Variants in TAFA2 observed in about 807,000 individuals in gnomAD.
The protein encoded by TAFA2 is TAFA chemokine like family member 2.
A neutral mutation model predicts 18.8 loss-of-function variants in TAFA2; 7 were observed. That is an observed-to-expected ratio of 0.37 (90% CI 0.21 to 0.70). TAFA2 has a LOEUF of 0.70. TAFA2 is among the 30% of genes least tolerant of loss of function. The pLI, the probability that TAFA2 is intolerant of heterozygous loss-of-function variation, is 0.53. For synonymous variants in TAFA2, 60 were observed against 54.2 expected (o/e 1.11, Z -0.47); for missense variants, 122 against 158.1 (o/e 0.77, Z 1.23).
chr12:62,060,473 C>T (rs1446128183), intron 1 of TAFA2, among the ~76,000 whole-genome samples: 5 of 152,178 alleles, frequency 3.3e-5, no homozygotes, highest in Non-Finnish European at 7.3e-5. Context: ...AAGCGTAGCA[C>T]ATACAATAAT....
intron 1 of TAFA2, among the ~76,000 whole-genome samples, chr12:62,181,165 C>T (rs2062549456): frequency 6.6e-6 from 1 of 152,130 alleles, no homozygotes; most frequent in Non-Finnish European, 1.5e-5. Flanking sequence ...GAGTCTCTCT[C>T]TCACATACAC....
At chr12:61,827,536 A>C (rs1872573056) in intron 2 of TAFA2, among the ~76,000 whole-genome samples, 2 of 152,006 alleles carry the variant, frequency 1.3e-5, no homozygotes, top group Non-Finnish European at 2.9e-5. Context: ...TTTTTGTAAC[A>C]TTTAGTCTGG....
chr12:61,867,824 T>G (rs1874425745), intron 1 of TAFA2, among the ~76,000 whole-genome samples: 1 of 152,188 alleles, frequency 6.6e-6, no homozygotes, highest in Non-Finnish European at 1.5e-5. Flanking sequence ...CCAAGTCAAA[T>G]GGACAGTGTA....
intron 1 of TAFA2, among the ~76,000 whole-genome samples, chr12:62,202,833 T>A (rs2062677339): frequency 7.1e-6 from 1 of 141,082 alleles, no homozygotes; most frequent in African/African-American, 2.6e-5. Context: ...TTTTTTTTTT[T>A]TTTTTTTTTT....
At chr12:61,758,400 G>T (rs1308544938) in intron 2 of TAFA2, among the ~76,000 whole-genome samples, 1 of 151,870 alleles carries the variant, frequency 6.6e-6, no homozygotes, top group East Asian at 2.0e-4. Flanking sequence ...AACAAAGAAT[G>T]TTCTTAAGAA....
chr12:61,851,714 G>A (rs1873658898), intron 2 of TAFA2, among the ~76,000 whole-genome samples: 1 of 133,402 alleles, frequency 7.5e-6, no homozygotes, highest in Non-Finnish European at 1.5e-5. Context: ...GGCGGTGCTT[G>A]CAGTGAACCG....
At chr12:61,718,704 G>A (rs139004364) in intron 4 of TAFA2, among the ~76,000 whole-genome samples, 3 of 152,150 alleles carry the variant, frequency 2.0e-5, no homozygotes, top group East Asian at 1.9e-4. Context: ...CAATTCAAAG[G>A]TACTTTACCT....
At chr12:62,043,258 A>G (rs1881811975) in intron 1 of TAFA2, among the ~76,000 whole-genome samples, 1 of 152,206 alleles carries the variant, frequency 6.6e-6, no homozygotes, top group Non-Finnish European at 1.5e-5. Flanking sequence ...TGTGGCACAT[A>G]TACACCATGG....
At chr12:61,735,228 A>G (rs970782292) in intron 4 of TAFA2, among the ~76,000 whole-genome samples, 13 of 151,992 alleles carry the variant, frequency 8.6e-5, no homozygotes, top group African/African-American at 3.1e-4. Context: ...ATTCTTTGGT[A>G]TTGATATTTG....
At position 62,179,001 on chromosome 12, in the gene TAFA2, C is replaced by T. The variant is rs73315696; in HGVS notation, c.-2+12258G>A. On this transcript the variant is annotated intron_variant, in intron 1 of 4. Transcript: ENST00000416284. The stretch of plus-strand genomic sequence containing the variant: ...AGTTTCCTTACCTGAAATTGAGGAT[C>T]GCACTCATTTCTAACTCACAGCCAT... 8.9e-3 allele frequency among the ~76,000 whole-genome samples: 1,361 copies of T among 152,228 alleles called. 19 individuals carry two copies. Among genetic ancestry groups the T allele is most frequent in the African/African-American group, 0.031 (1,299 of 41,520 alleles).
chr12:62,018,405 C>T (rs1490620959), intron 1 of TAFA2, among the ~76,000 whole-genome samples: 1 of 152,034 alleles, frequency 6.6e-6, no homozygotes, highest in Non-Finnish European at 1.5e-5. Flanking sequence ...CAAGCAAAGG[C>T]TTAAAGACAG....
At chr12:61,749,516 T>C (rs902182350) in intron 4 of TAFA2, among the ~76,000 whole-genome samples, 2 of 152,124 alleles carry the variant, frequency 1.3e-5, no homozygotes, top group African/African-American at 4.8e-5. Context: ...GTACTATTAA[T>C]ATAAAATGTG....
At chr12:61,766,974 T>A (rs1274312696) in intron 2 of TAFA2, among the ~76,000 whole-genome samples, 1 of 152,116 alleles carries the variant, frequency 6.6e-6, no homozygotes, top group African/African-American at 2.4e-5. Flanking sequence ...TGACACAAAC[T>A]GATGGTTTCA....
chr12:62,167,179 C>G (rs2062446751), intron 1 of TAFA2, among the ~76,000 whole-genome samples: 1 of 151,450 alleles, frequency 6.6e-6, no homozygotes. Flanking sequence ...AATTATAAAC[C>G]AAAATTTCTA....
chr12:62,191,519 C>T lies in TAFA2; in HGVS notation c.-262G>A, dbSNP rs936687134. 1 of 152,312 alleles carries T rather than the reference C, an allele frequency of 6.6e-6. No homozygotes were observed. Among genetic ancestry groups the T allele is most frequent in the Non-Finnish European group, 1.5e-5 (1 of 68,118 alleles). 9.4% of individuals were successfully genotyped at this position (152,312 alleles called of 1,614,324 possible). A position where few individuals can be genotyped will look rare whatever the true frequency, so the allele number is the denominator to read the frequency against. On this transcript the variant is annotated 5_prime_UTR_variant, in exon 1 of 5. Coordinates refer to ENST00000416284, the MANE Select transcript of TAFA2 (RefSeq NM_178539.5). ...CAAAGACGGTTCAGGAATCTGACAT[C>T]CAAGCTGGAATCCCCCTGAAGCGGG...
At chr12:61,894,907 G>A (rs1239729282) in intron 1 of TAFA2, among the ~76,000 whole-genome samples, 2 of 152,138 alleles carry the variant, frequency 1.3e-5, no homozygotes, top group South Asian at 4.1e-4. Context: ...CTATCATGTG[G>A]TTATGTATCG....
intron 1 of TAFA2, among the ~76,000 whole-genome samples, chr12:62,180,032 A>G (rs2062541358): frequency 6.6e-6 from 1 of 152,222 alleles, no homozygotes; most frequent in Admixed American, 6.5e-5. Context: ...ATCAGCTGCT[A>G]GGAAAAGACA....
intron 2 of TAFA2, among the ~76,000 whole-genome samples, chr12:61,788,118 A>G (rs544589342): frequency 4.6e-5 from 7 of 151,844 alleles, no homozygotes; most frequent in South Asian, 2.1e-4. Flanking sequence ...ATGTCATTAT[A>G]TAATGATAGA....
chr12:62,011,661 T>C (rs1880771543), intron 1 of TAFA2, among the ~76,000 whole-genome samples: 1 of 151,798 alleles, frequency 6.6e-6, no homozygotes, highest in Non-Finnish European at 1.5e-5. Context: ...TATGTTCATG[T>C]GTTTATCTGC....
Sources: gnomAD v4.1 joint callset for allele counts (sites outside exome capture counted in the v4.1 genomes callset) on GRCh38, gnomAD v4.1.1 for gene constraint, MANE v1.5 for transcripts, NCBI Gene and HGNC (gene_info 2026-07-23, HGNC 2026-07-21) for gene names.